The following PUDP variants were observed in gnomAD, a reference collection of about 807,000 sequenced individuals.
PUDP encodes pseudouridine-5'-phosphatase.
In PUDP, 8 loss-of-function variants were observed where a neutral mutation model predicts 9.4. The ratio of observed to expected loss-of-function variants is 0.85; its 90% CI spans 0.50 to 1.53. The LOEUF (loss-of-function observed/expected upper bound fraction) is 1.53. Ranked by LOEUF, PUDP falls within the 40% of genes most tolerant of loss-of-function variation. The pLI is 0.00. For synonymous variants in PUDP, 99 were observed against 80.7 expected, an observed-to-expected ratio of 1.23 and a Z score of -1.22; for missense variants, 188 against 189.7, an observed-to-expected ratio of 0.99 and a Z score of 0.05.
At chrX:7,094,025 C>T (rs185829337) in intron 2 of PUDP, among the ~76,000 whole-genome samples, 1 of 111,230 alleles carries the variant, frequency 9.0e-6, no homozygotes, top group Non-Finnish European at 1.9e-5. Context: ...GGGAGGATCG[C>T]TTGGGTTTGG....
At chrX:7,114,700 G>A (rs1409785875) in intron 1 of PUDP, among the ~76,000 whole-genome samples, 2 of 111,857 alleles carry the variant, frequency 1.8e-5, no homozygotes, top group Non-Finnish European at 3.8e-5. Context: ...CTCAAGTGGA[G>A]GGCCACTGAC....
chrX:6,720,526 T>G (rs1468115290), intron 1 of PUDP, among the ~76,000 whole-genome samples: 1 of 105,705 alleles, frequency 9.5e-6, no homozygotes, highest in African/African-American at 3.4e-5. Flanking sequence ...GGAGAGATGT[T>G]GGTCAAAGGG....
At chrX:6,760,319 A>G in intron 3 of PUDP, among the ~76,000 whole-genome samples, 1 of 111,923 alleles carries the variant, frequency 8.9e-6, no homozygotes, top group East Asian at 2.8e-4. Context: ...GCCTCAGCCC[A>G]CTGTAGTTTT....
intron 3 of PUDP, among the ~76,000 whole-genome samples, chrX:6,810,325 C>A (rs1174216403): frequency 9.0e-6 from 1 of 111,558 alleles, no homozygotes; most frequent in Admixed American, 9.5e-5. Flanking sequence ...GATCTCCGCA[C>A]ATGAGCTTGG....
chrX:7,085,411 T>C (rs1931233453), intron 2 of PUDP: 1 of 112,135 alleles, frequency 8.9e-6, no homozygotes, highest in African/African-American at 3.2e-5. Flanking sequence ...GAGCCTTCGG[T>C]CATCAATGGA....
intron 1 of PUDP, among the ~76,000 whole-genome samples, chrX:7,035,861 G>A (rs1284395464): frequency 8.9e-6 from 1 of 111,787 alleles, no homozygotes; most frequent in Non-Finnish European, 1.9e-5. Flanking sequence ...CCTAATAGAA[G>A]CTGTTTGGGT....
intron 3 of PUDP, among the ~76,000 whole-genome samples, chrX:6,831,861 A>G (rs1223056532): frequency 8.9e-6 from 1 of 111,945 alleles, no homozygotes; most frequent in Non-Finnish European, 1.9e-5. Context: ...CAAGCAAGAC[A>G]TAATCATATG....
At chrX:6,751,204 A>G (rs191484770) in intron 3 of PUDP, among the ~76,000 whole-genome samples, 2 of 111,520 alleles carry the variant, frequency 1.8e-5, no homozygotes, top group African/African-American at 6.5e-5. Flanking sequence ...AAAGAAAGAA[A>G]AAGAAAATTG....
intron 1 of PUDP, among the ~76,000 whole-genome samples, chrX:7,002,955 T>A (rs1426463417): frequency 1.8e-5 from 2 of 109,549 alleles, no homozygotes; most frequent in Non-Finnish European, 3.8e-5. Context: ...CTCTGCAAGC[T>A]ACCTAGGGAC....
chrX:7,019,876 T>C (rs1252788361), intron 1 of PUDP, among the ~76,000 whole-genome samples: 1 of 111,870 alleles, frequency 8.9e-6, no homozygotes, highest in Non-Finnish European at 1.9e-5. Flanking sequence ...AAAATGAATG[T>C]TTTCCCTTGG....
chrX:7,096,841 G>GA (rs1190619237), intron 2 of PUDP, among the ~76,000 whole-genome samples: 2 of 109,109 alleles, frequency 1.8e-5, no homozygotes, highest in Admixed American at 1.9e-4. Context: ...GTCTCCAATG[G>GA]AAAAAAAAGC....
chrX:7,082,881 G>A (rs1342451743), intron 2 of PUDP, among the ~76,000 whole-genome samples: 1 of 112,672 alleles, frequency 8.9e-6, no homozygotes, highest in Non-Finnish European at 1.9e-5. Context: ...TGGGTTGAAC[G>A]GTAGCCCCCA....
intron 3 of PUDP, among the ~76,000 whole-genome samples, chrX:6,770,205 G>T (rs1042905360): frequency 1.8e-5 from 2 of 112,631 alleles, no homozygotes; most frequent in African/African-American, 6.4e-5. Context: ...TTTAGTCCAG[G>T]GGTGGATGCA....
intron 3 of PUDP, among the ~76,000 whole-genome samples, chrX:6,771,252 T>C (rs912113851): frequency 8.9e-6 from 1 of 111,745 alleles, no homozygotes; most frequent in African/African-American, 3.3e-5. Flanking sequence ...ATTTAATAGA[T>C]CTACTTCAAC....
At chrX:6,804,920 T>C (rs766853545) in intron 3 of PUDP, among the ~76,000 whole-genome samples, 13 of 111,730 alleles carry the variant, frequency 1.2e-4, no homozygotes, top group South Asian at 3.8e-4. Flanking sequence ...TGGACCTAAG[T>C]ATAGGATACC....
At chrX:6,853,454 T>TG (rs1555913271) in intron 3 of PUDP, among the ~76,000 whole-genome samples, 934 of 30,264 alleles carry the variant, frequency 0.031, 9 homozygotes, top group African/African-American at 0.094. Context: ...TTTGTGTGTG[T>TG]TTTTTTTTTT....
chrX:6,888,262 C>T lies in PUDP; in HGVS notation c.*247+88871G>A, dbSNP rs760359245. On this transcript the variant is annotated intron_variant and NMD_transcript_variant, in intron 3 of 3. Transcript: ENST00000655425. ...ACAGCTGACTGCCTCCCTTCAGTTT[C>T]GTGGGGAAAGAACACAGCATTAAAT... is the stretch of plus-strand genomic sequence containing the variant. Among the ~76,000 whole-genome samples the T allele has an allele frequency of 6.3e-5, 7 of 110,729 alleles. No individual in the cohort carries two copies. The South Asian group carries it at 2.3e-3, about 37-fold the overall frequency.
At chrX:6,809,267 C>T (rs1403111251) in intron 3 of PUDP, among the ~76,000 whole-genome samples, 1 of 110,578 alleles carries the variant, frequency 9.0e-6, no homozygotes, top group African/African-American at 3.3e-5. Flanking sequence ...TCATACATCC[C>T]ATGGGTTCTC....
chrX:6,868,507 A>G (rs972926560), intron 3 of PUDP, among the ~76,000 whole-genome samples: 1 of 112,431 alleles, frequency 8.9e-6, no homozygotes, highest in African/African-American at 3.2e-5. Flanking sequence ...AGAATTTTTC[A>G]TAACAATATT....
Sources: allele counts gnomAD v4.1 joint callset (sites outside exome capture counted in the v4.1 genomes callset), GRCh38; gene constraint gnomAD v4.1.1; transcripts MANE v1.5; gene names NCBI Gene and HGNC (gene_info 2026-07-23, HGNC 2026-07-21).